The following GLMN variants were observed in gnomAD, a reference collection of about 807,000 sequenced individuals.
The protein encoded by GLMN is glomulin, FKBP associated protein.
In GLMN, 75 loss-of-function variants were observed where a neutral mutation model predicts 87.8. The observed-to-expected ratio is 0.85, with a 90% CI of 0.71 to 1.04. The LOEUF (loss-of-function observed/expected upper bound fraction) is 1.04. GLMN is among the 50% of genes least tolerant of loss of function. The pLI is 0.00. For missense variants in GLMN, 588 were observed against 658.8 expected (o/e 0.89, Z 1.18); for synonymous variants, 206 against 221.6 (o/e 0.93, Z 0.63).
chr1:92,303,969 C>A (rs770430332), upstream of GLMN: 4 of 1,581,020 alleles, frequency 2.5e-6, no homozygotes, highest in African/African-American at 4.1e-5. Flanking sequence ...CCTCTCATTT[C>A]ATTTTAGGGG....
At chr1:92,343,590 G>A in the GLMN span, among the ~76,000 whole-genome samples, 22 of 152,120 alleles carry the variant, frequency 1.4e-4, no homozygotes, top group African/African-American at 5.3e-4. Flanking sequence ...TTTGATTCAG[G>A]TATATATTTT....
Position 92,297,421 on chromosome 1 carries a change from G to A in GLMN, c.148C>T (p.Gln50Ter), listed in dbSNP as rs1570993763. 1 of 1,610,356 alleles carries A rather than the reference G, an allele frequency of 6.2e-7. No homozygotes were observed. Among genetic ancestry groups the A allele is most frequent in the African/African-American group, 1.3e-5 (1 of 74,604 alleles). Reference sequence around the variant, plus strand: ...GTACGCACCTTATTCTTTTCATTTTGAATAATTTCTAATAGCTGGTCTGTG... The same window carrying A: ...GTACGCACCTTATTCTTTTCATTTTAAATAATTTCTAATAGCTGGTCTGTG... ...GHTDQLLEII[Q>*]NEKNKVIIKN... The change falls in exon 3 of 19, where the codon CAA (glutamine) becomes TAA (stop). Residue 50 changes from glutamine to a stop codon, truncating the protein, a stop_gained. Transcript: ENST00000370360. LOFTEE classifies it high-confidence loss of function.
chr1:92,323,510 C>CTAGCG, the GLMN span: 1 of 1,613,870 alleles, frequency 6.2e-7, no homozygotes, highest in African/African-American at 1.3e-5. Flanking sequence ...ATCGACAATC[C>CTAGCG]TAGCCACTTT....
chr1:92,249,999 CTTT>C (rs1014264186), intron 16 of GLMN, among the ~76,000 whole-genome samples: 1 of 147,756 alleles, frequency 6.8e-6, no homozygotes, highest in African/African-American at 2.5e-5. Context: ...TGCCCCCCAA[CTTT>C]TTTTTTTTCT....
chr1:92,301,453 T>A, upstream of GLMN: 1 of 1,281,214 alleles, frequency 7.8e-7, no homozygotes, highest in South Asian at 1.3e-5. Context: ...TTAAGTAGAT[T>A]AAGTTTCTCT....
chr1:92,312,169 T>G, the GLMN span, among the ~76,000 whole-genome samples: 1 of 152,156 alleles, frequency 6.6e-6, no homozygotes, highest in African/African-American at 2.4e-5. Context: ...CCAGCATTGT[T>G]GCGGGGCAAG....
At chr1:92,333,035 A>C in the GLMN span, among the ~76,000 whole-genome samples, 6 of 152,152 alleles carry the variant, frequency 3.9e-5, no homozygotes, top group Non-Finnish European at 8.8e-5. Flanking sequence ...TGAACTCCTC[A>C]TAATATATTT....
At chr1:92,366,796 C>A in the GLMN span, among the ~76,000 whole-genome samples, 1 of 151,890 alleles carries the variant, frequency 6.6e-6, no homozygotes, top group African/African-American at 2.4e-5. Flanking sequence ...TGCAAAATGT[C>A]TGGGGTTTGT....
chr1:92,336,106 G>T, the GLMN span, among the ~76,000 whole-genome samples: 1 of 152,148 alleles, frequency 6.6e-6, no homozygotes, highest in Non-Finnish European at 1.5e-5. Context: ...TTAAATAGCT[G>T]CCAAAATGAT....
At chr1:92,280,174 C>A (rs1426716080) in intron 7 of GLMN, among the ~76,000 whole-genome samples, 1 of 152,156 alleles carries the variant, frequency 6.6e-6, no homozygotes, top group Non-Finnish European at 1.5e-5. Context: ...GGTCCCTGAC[C>A]CCCGCGTAGC....
the GLMN span, among the ~76,000 whole-genome samples, chr1:92,348,768 A>G: frequency 1.2e-4 from 18 of 152,244 alleles, no homozygotes; most frequent in Admixed American, 1.2e-3. Context: ...TCATCATGTT[A>G]AAACTCCATT....
intron 8 of GLMN, among the ~76,000 whole-genome samples, chr1:92,271,216 C>T (rs1656202156): frequency 6.6e-6 from 1 of 152,110 alleles, no homozygotes; most frequent in African/African-American, 2.4e-5. Flanking sequence ...CAAAACCAAG[C>T]CCTGTTTATC....
intron 16 of GLMN, among the ~76,000 whole-genome samples, chr1:92,261,894 G>A (rs961469752): frequency 6.6e-6 from 1 of 151,570 alleles, no homozygotes; most frequent in Non-Finnish European, 1.5e-5. Flanking sequence ...GACTCTAGGT[G>A]GTGGGTAAAC....
chr1:92,326,882 A>C, the GLMN span, among the ~76,000 whole-genome samples: 7 of 152,170 alleles, frequency 4.6e-5, no homozygotes, highest in South Asian at 1.2e-3. Context: ...CCAGCCTCTC[A>C]CCTGTGAGAA....
In GLMN at chr1:92,246,815, G is replaced by C. The variant is rs371260645; in HGVS notation, c.1669-169C>G. On this transcript the variant is annotated intron_variant, in intron 18 of 18. Coordinates refer to ENST00000370360, the MANE Select transcript of GLMN (RefSeq NM_053274.3). ...GGAGGCTGAGCTGAGAGGATTACTA[G>C]AGGCCAGGAGTTGGAGACCAGCCTG... Among the ~76,000 whole-genome samples the C allele has an allele frequency of 5.9e-5, 9 of 152,264 alleles. No individual in the cohort carries two copies. In the East Asian group the frequency reaches 1.4e-3, roughly 23 times the overall value.
intron 5 of GLMN, among the ~76,000 whole-genome samples, chr1:92,289,851 T>C (rs1418816692): frequency 2.0e-5 from 3 of 152,190 alleles, no homozygotes; most frequent in African/African-American, 7.2e-5. Flanking sequence ...GCTATCAGAT[T>C]TAGTACTGCA....
chr1:92,246,907 T>C (rs1652746844), intron 18 of GLMN, among the ~76,000 whole-genome samples, 155 bp downstream of exon 18: 1 of 152,112 alleles, frequency 6.6e-6, no homozygotes, highest in African/African-American at 2.4e-5. Context: ...CCTGCAGTCC[T>C]GGCTAATCAG....
chr1:92,283,950 A>G (rs1029795439), intron 7 of GLMN, among the ~76,000 whole-genome samples: 2 of 152,202 alleles, frequency 1.3e-5, no homozygotes, highest in African/African-American at 4.8e-5. Flanking sequence ...ACTACAAACC[A>G]CTGTTCAACA....
the GLMN span, chr1:92,333,567 A>T: frequency 1.2e-5 from 10 of 840,826 alleles, no homozygotes; most frequent in Non-Finnish European, 9.6e-6. Flanking sequence ...CAGATTTTGA[A>T]CATTTTGAAA....
Sources: allele counts gnomAD v4.1 joint callset (sites outside exome capture counted in the v4.1 genomes callset), GRCh38; gene constraint gnomAD v4.1.1; transcripts MANE v1.5; gene names NCBI Gene and HGNC (gene_info 2026-07-23, HGNC 2026-07-21).